LATS2: variants seen among roughly 807,000 people sequenced by gnomAD.
LATS2 encodes the protein large tumor suppressor kinase 2, also known as serine/threonine-protein kinase LATS2.
LATS2 carries 24 observed loss-of-function variants against 76.0 expected under a neutral mutation model. The ratio of observed to expected loss-of-function variants is 0.32; its 90% confidence interval spans 0.23 to 0.44. The LOEUF (loss-of-function observed/expected upper bound fraction) is 0.44, where lower values mean the gene tolerates loss of function less well. Among genes scored for constraint, LATS2 ranks in the 20% least tolerant of loss-of-function variants. The probability of loss-of-function intolerance (pLI) is 1.00; values close to 1 mark genes in which losing one functional copy is unlikely to be tolerated. For missense variants in LATS2, 1,286 were observed against 1,481.2 expected (o/e 0.87, Z 2.16); for synonymous variants, 692 against 635.4 (o/e 1.09, Z -1.34).
chr13:21,007,561 A>C (rs536795947), intron 2 of LATS2, among the ~76,000 whole-genome samples: 1 of 17,296 alleles, frequency 5.8e-5, no homozygotes, highest in African/African-American at 7.0e-4. Context: ...ATATATATAT[A>C]TATATATATA....
chr13:21,049,323 T>TA (rs1873181378), intron 1 of LATS2, among the ~76,000 whole-genome samples: 1 of 152,106 alleles, frequency 6.6e-6, no homozygotes, highest in Non-Finnish European at 1.5e-5. Flanking sequence ...AAGGTGGGCT[T>TA]AGAAGGGACA....
At chr13:21,060,925 G>A (rs1226109303) in intron 1 of LATS2, among the ~76,000 whole-genome samples, 1 of 151,548 alleles carries the variant, frequency 6.6e-6, no homozygotes, top group Non-Finnish European at 1.5e-5. Context: ...CGGAGACAGC[G>A]GAAGCAGAGG....
In LATS2 at chr13:20,997,726, G is replaced by A. The variant is rs377715225; in HGVS notation, c.343-6322C>T. Among the ~76,000 whole-genome samples, 6 of 152,354 alleles carry A rather than the reference G, an allele frequency of 3.9e-5. No homozygotes were observed. In the South Asian group the frequency reaches 1.2e-3, roughly 32 times the overall value. ...AGCACAGGGCTTACGAGGACGGGTG[G>A]GAACTGGAAGACACTCCTTCAATCT... On this transcript the variant is annotated intron_variant, in intron 2 of 7. Transcript: ENST00000382592.
chr13:20,999,300 A>ACGC (rs1315430172), intron 2 of LATS2, among the ~76,000 whole-genome samples: 2 of 152,184 alleles, frequency 1.3e-5, no homozygotes, highest in African/African-American at 2.4e-5. Flanking sequence ...AACCAGACAC[A>ACGC]CGCCCGGAAG....
In LATS2 at chr13:20,973,971, T is replaced by TGGGGGGG; in HGVS notation, c.*898_*899insCCCCCCC. ...TTCAGTATATGACAAATGTTTCAGTTCCCCCCCCCCAAAGAATCCAATCAC... is the reference window on the plus strand; with the variant it reads ...TTCAGTATATGACAAATGTTTCAGTTGGGGGGGCCCCCCCCCCAAAGAATCCAATCAC... On this transcript the variant is annotated 3_prime_UTR_variant, in exon 8 of 8. Coordinates refer to ENST00000382592, the MANE Select transcript of LATS2 (RefSeq NM_014572.3). 1 of 186,230 alleles carries TGGGGGGG rather than the reference T, an allele frequency of 5.4e-6. No homozygotes were observed. The highest frequency in any genetic ancestry group is 1.0e-5 in the Non-Finnish European group (1 of 95,900). The allele number at this position is 186,230 out of a possible 1,614,324, so 11.5% of individuals were successfully genotyped here.
rs1390242703 is a variant in LATS2, at chr13:20,988,765, C to G, written c.1015G>C (p.Ala339Pro). The change falls in exon 4 of 8, where the codon GCC (alanine) becomes CCC (proline). Residue 339 changes from alanine (A) to proline (P), a missense_variant. Coordinates refer to ENST00000382592, the MANE Select transcript of LATS2 (RefSeq NM_014572.3). ...HVLGSRSQVFASDSPPQSLLT... is the reference protein window; with the variant it reads ...HVLGSRSQVFPSDSPPQSLLT... ...AGGCTCTGCGGGGGGCTGTCGCTGG[C>G]GAACACCTGGCTGCGGGAGCCCAGC... is the stretch of plus-strand genomic sequence containing the variant. The G allele has an allele frequency of 6.3e-7, 1 of 1,582,546 alleles. No homozygotes were observed. Among genetic ancestry groups the G allele is most frequent in the Non-Finnish European group, 8.5e-7 (1 of 1,171,292 alleles).
chr13:21,039,895 G>A (rs537977783), intron 2 of LATS2, among the ~76,000 whole-genome samples: 18 of 152,152 alleles, frequency 1.2e-4, no homozygotes, highest in Admixed American at 3.3e-4. Context: ...CCAACATAGT[G>A]AAATCCCATC....
intron 2 of LATS2, among the ~76,000 whole-genome samples, chr13:21,043,294 G>A (rs1872950088): frequency 6.6e-6 from 1 of 151,068 alleles, no homozygotes; most frequent in Non-Finnish European, 1.5e-5. Flanking sequence ...CCAAGATGAC[G>A]CCACCACACT....
chr13:21,020,285 G>A (rs1047680853), intron 2 of LATS2, among the ~76,000 whole-genome samples: 1 of 152,050 alleles, frequency 6.6e-6, no homozygotes, highest in African/African-American at 2.4e-5. Flanking sequence ...GAAAGTACAC[G>A]CCCCCTTTCA....
At chr13:20,998,108 A>C (rs1048229622) in intron 2 of LATS2, among the ~76,000 whole-genome samples, 3 of 152,170 alleles carry the variant, frequency 2.0e-5, no homozygotes, top group Non-Finnish European at 4.4e-5. Flanking sequence ...TGACGCCTGT[A>C]ATCCCAGGGC....
rs1291934430 is a variant in LATS2, at chr13:20,974,709, C to T, written c.*161G>A. On this transcript the variant is annotated 3_prime_UTR_variant, in exon 8 of 8. Coordinates refer to ENST00000382592, the MANE Select transcript of LATS2 (RefSeq NM_014572.3). ...TGCTGAGTCCTGTTTTCAAAAGTGT[C>T]CTGTTTGGGTTTTCTTGGTGAAGAG... The T allele has an allele frequency of 1.4e-6, 1 of 697,862 alleles. No individual in the cohort carries two copies. Among genetic ancestry groups the T allele is most frequent in the African/African-American group, 1.8e-5 (1 of 55,742 alleles). 43.2% of individuals were successfully genotyped at this position (697,862 alleles called of 1,614,324 possible).
intron 2 of LATS2, among the ~76,000 whole-genome samples, chr13:21,021,474 C>CAAAAAAAAAAAAAAAAAAAAAAAAA (rs58976562): frequency 2.1e-5 from 1 of 48,372 alleles, no homozygotes; most frequent in Admixed American, 2.5e-4. Flanking sequence ...GACTCTGTCT[C>CAAAAAAAAAAAAAAAAAAAAAAAAA]AAAAAAAAAA....
chr13:20,990,293 A>G (rs1217338997), intron 3 of LATS2, among the ~76,000 whole-genome samples: 6 of 150,014 alleles, frequency 4.0e-5, no homozygotes, highest in Non-Finnish European at 8.9e-5. Flanking sequence ...ATGGATGGCC[A>G]GCTGGGGGCT....
At chr13:20,984,835 C>A (rs887663509) in intron 4 of LATS2, among the ~76,000 whole-genome samples, 1 of 152,122 alleles carries the variant, frequency 6.6e-6, no homozygotes, top group African/African-American at 2.4e-5. Flanking sequence ...TACTAAAATT[C>A]ACAGGGAGCC....
intron 2 of LATS2, among the ~76,000 whole-genome samples, chr13:21,010,517 C>T (rs1187159608): frequency 6.6e-6 from 1 of 152,050 alleles, no homozygotes; most frequent in African/African-American, 2.4e-5. Context: ...GTTTTCCAAA[C>T]AAAGCCGGAA....
At chr13:21,017,180 G>T (rs548077202) in intron 2 of LATS2, among the ~76,000 whole-genome samples, 1 of 152,252 alleles carries the variant, frequency 6.6e-6, no homozygotes, top group South Asian at 2.1e-4. Flanking sequence ...GAAATAAAAC[G>T]GACGATAGCC....
At chr13:21,042,118 T>C (rs1185736492) in intron 2 of LATS2, among the ~76,000 whole-genome samples, 1 of 152,210 alleles carries the variant, frequency 6.6e-6, no homozygotes, top group Non-Finnish European at 1.5e-5. Context: ...GCTCCTCCCA[T>C]AAGAAATATT....
intron 3 of LATS2, 116 bp from the exon 4 acceptor site, chr13:20,989,420 G>A: frequency 9.5e-7 from 1 of 1,049,918 alleles, no homozygotes; most frequent in Non-Finnish European, 1.4e-6. Flanking sequence ...CTTGAACCCT[G>A]GGCCCTGACG....
chr13:20,978,456 CAATT>C lies in LATS2; in HGVS notation c.2772+1231_2772+1234del, dbSNP rs564785282. ...TAATAATTTAGTATTAAATGACTGA[CAATT>C]ATTTAACTACTTTGAATGAATATTA... is the stretch of plus-strand genomic sequence containing the variant. On this transcript the variant is annotated intron_variant, in intron 7 of 7. Transcript: ENST00000382592. Among the ~76,000 whole-genome samples the C allele has an allele frequency of 1.4e-3, 220 of 152,258 alleles. 1 individual carries two copies. Among genetic ancestry groups the C allele is most frequent in the African/African-American group, 5.0e-3 (209 of 41,552 alleles).
Sources: gnomAD v4.1 joint callset for allele counts (sites outside exome capture counted in the v4.1 genomes callset) on GRCh38, gnomAD v4.1.1 for gene constraint, MANE v1.5 for transcripts, NCBI Gene and HGNC (gene_info 2026-07-23, HGNC 2026-07-21) for gene names.